GRIA2: variants seen among roughly 807,000 people sequenced by gnomAD.
GRIA2 encodes glutamate receptor 2.
In GRIA2, 14 loss-of-function variants were observed where a neutral mutation model predicts 97.3. The ratio of observed to expected loss-of-function variants is 0.14; its 90% confidence interval spans 0.10 to 0.23. GRIA2 has a LOEUF of 0.23. Among genes scored for constraint, GRIA2 ranks in the 10% least tolerant of loss-of-function variants. GRIA2 has a pLI of 1.00. For synonymous variants in GRIA2, 412 were observed against 387.8 expected (o/e 1.06, Z -0.73); for missense variants, 558 against 1,069.8 (o/e 0.52, Z 6.67).
At chr4:157,268,938 A>T (rs998309833) in intron 2 of GRIA2, among the ~76,000 whole-genome samples, 1 of 152,098 alleles carries the variant, frequency 6.6e-6, no homozygotes, top group Non-Finnish European at 1.5e-5. Flanking sequence ...GTTGGAGAGA[A>T]TTAGAAAAGT....
intron 12 of GRIA2, chr4:157,341,947 C>A: frequency 6.1e-6 from 1 of 163,250 alleles, no homozygotes; most frequent in Non-Finnish European, 1.3e-5. Context: ...CAAGGAAAAG[C>A]CAACAAAGGC....
chr4:157,275,312 G>C (rs1349983660), intron 2 of GRIA2, among the ~76,000 whole-genome samples: 1 of 152,152 alleles, frequency 6.6e-6, no homozygotes, highest in Non-Finnish European at 1.5e-5. Context: ...CTCCCATTCT[G>C]TAGGCTGCCT....
chr4:157,286,491 C>T (rs1357557535), intron 2 of GRIA2, among the ~76,000 whole-genome samples: 2 of 151,282 alleles, frequency 1.3e-5, no homozygotes, highest in Non-Finnish European at 3.0e-5. Flanking sequence ...AAAGTTAGGG[C>T]TTAATAAGAG....
intron 2 of GRIA2, among the ~76,000 whole-genome samples, chr4:157,260,454 C>T (rs1435138124): frequency 1.3e-5 from 2 of 152,052 alleles, no homozygotes; most frequent in Non-Finnish European, 2.9e-5. Context: ...GCACTTTGTC[C>T]CTTTCAGCAT....
Position 157,365,186 on chromosome 4 carries a change from T to TG in GRIA2, c.*1756dup, listed in dbSNP as rs1736830256. The TG allele has an allele frequency of 1.3e-5, 2 of 151,724 alleles. No homozygotes were observed. Among genetic ancestry groups the TG allele is most frequent in the South Asian group, 4.1e-4 (2 of 4,834 alleles). The allele number at this position is 151,724 out of a possible 1,614,324, so 9.4% of individuals were successfully genotyped here. ...AATGTAAGGTTTAACAGTAAGCACT[T>TG]GCATTGAACATGGAGGCATGTGGTA... On this transcript the variant is annotated 3_prime_UTR_variant, in exon 16 of 16. Coordinates refer to ENST00000264426, the MANE Select transcript of GRIA2 (RefSeq NM_001083619.3).
In GRIA2 at chr4:157,311,590, T is replaced by C. The variant is rs185516157; in HGVS notation, c.470-1089T>C. ...AAAGATTTAAATAAAATTTGGTATC[T>C]GAATTTAGATTTTGAAGAGATATGT... On this transcript the variant is annotated intron_variant, in intron 3 of 15. Coordinates refer to ENST00000264426, the MANE Select transcript of GRIA2 (RefSeq NM_001083619.3). Among the ~76,000 whole-genome samples the C allele has an allele frequency of 2.3e-3, 345 of 152,178 alleles. 1 individual carries two copies. The highest frequency in any genetic ancestry group is 3.6e-3 in the Non-Finnish European group (247 of 67,896).
intron 11 of GRIA2, 22 bp downstream of exon 11, chr4:157,336,769 A>G: frequency 6.3e-7 from 1 of 1,596,206 alleles, no homozygotes; most frequent in South Asian, 1.1e-5. Context: ...ACCTGCTTCA[A>G]CTTTGTGCAT....
chr4:157,289,964 C>T (rs1733020284), intron 2 of GRIA2, among the ~76,000 whole-genome samples: 1 of 151,696 alleles, frequency 6.6e-6, no homozygotes, highest in African/African-American at 2.4e-5. Flanking sequence ...AAATTTCAGC[C>T]CTACTGTCAC....
intron 3 of GRIA2, among the ~76,000 whole-genome samples, chr4:157,308,747 G>C (rs28712001): frequency 0.18 from 27,029 of 151,936 alleles, 2,553 homozygotes; most frequent in African/African-American, 0.25. Context: ...ATACTTCTGT[G>C]CTAGTTTGTG....
chr4:157,248,702 A>AGT (rs1328847892), intron 2 of GRIA2, among the ~76,000 whole-genome samples: 2 of 136,768 alleles, frequency 1.5e-5, no homozygotes, highest in Admixed American at 1.5e-4. Flanking sequence ...TATATACACA[A>AGT]GTATATATAT....
At chr4:157,221,634 A>G (rs1729499713) in intron 1 of GRIA2, 33 bp from the exon 2 acceptor site, 3 of 1,610,274 alleles carry the variant, frequency 1.9e-6, no homozygotes, top group Non-Finnish European at 2.5e-6. Context: ...GGGCACTGAC[A>G]CTGTTCTCTT....
rs1425889691 is a variant in GRIA2, at chr4:157,305,157, T to A, written c.469+1366T>A. ...ACTGAGCTTATTAAATAATTTTTAG[T>A]TTTTCCTCTTGTTCTCTGCTAACTT... On this transcript the variant is annotated intron_variant, in intron 3 of 15. Coordinates refer to ENST00000264426, the MANE Select transcript of GRIA2 (RefSeq NM_001083619.3). Among the ~76,000 whole-genome samples the A allele has an allele frequency of 2.0e-5, 3 of 152,144 alleles. No individual in the cohort carries two copies. In the South Asian group the frequency reaches 6.2e-4, roughly 32 times the overall value.
chr4:157,329,818 G>A (rs1734969306), intron 6 of GRIA2, among the ~76,000 whole-genome samples: 1 of 151,894 alleles, frequency 6.6e-6, no homozygotes, highest in Admixed American at 6.6e-5. Context: ...GTGTACCTGG[G>A]ATTGAAAAGG....
chr4:157,349,287 C>G (rs1194337719), intron 12 of GRIA2, among the ~76,000 whole-genome samples: 1 of 152,136 alleles, frequency 6.6e-6, no homozygotes, highest in Admixed American at 6.5e-5. Context: ...TTCCTGGGTA[C>G]TCTTTGAATT....
chr4:157,232,727 T>C (rs1730076495), intron 2 of GRIA2, among the ~76,000 whole-genome samples: 1 of 152,190 alleles, frequency 6.6e-6, no homozygotes, highest in African/African-American at 2.4e-5. Flanking sequence ...AGGGTTGTCA[T>C]CTTAATGATG....
At position 157,227,763 on chromosome 4, in the gene GRIA2, A is replaced by C. The variant is rs1372252990; in HGVS notation, c.229+5956A>C. On this transcript the variant is annotated intron_variant, in intron 2 of 15. Coordinates refer to ENST00000264426, the MANE Select transcript of GRIA2 (RefSeq NM_001083619.3). ...TATTATTATAGCAATTTTAAATAAA[A>C]ATTTCTCAGGTTTTCTCCAAAGATC... is the stretch of plus-strand genomic sequence containing the variant. Among the ~76,000 whole-genome samples, 7 of 152,124 alleles carry C rather than the reference A, an allele frequency of 4.6e-5. 1 individual carries two copies. Among genetic ancestry groups the C allele is most frequent in the Non-Finnish European group, 4.4e-5 (3 of 68,010 alleles).
intron 11 of GRIA2, among the ~76,000 whole-genome samples, chr4:157,340,721 C>T (rs781545768): frequency 6.6e-6 from 1 of 151,852 alleles, no homozygotes; most frequent in Non-Finnish European, 1.5e-5. Context: ...CTCTCCTGTA[C>T]TGTATCTAAT....
At chr4:157,317,801 T>G (rs1003457520) in intron 5 of GRIA2, 90 bp downstream of exon 5, 3 of 610,752 alleles carry the variant, frequency 4.9e-6, no homozygotes, top group South Asian at 3.7e-5. Context: ...ATCAGTGGTG[T>G]TTTAAAAAAT....
At chr4:157,234,365 G>T (rs950119907) in intron 2 of GRIA2, among the ~76,000 whole-genome samples, 1 of 151,962 alleles carries the variant, frequency 6.6e-6, no homozygotes, top group Admixed American at 6.6e-5. Flanking sequence ...AACCATTCAA[G>T]CTGAAAATAG....
Sources: allele counts gnomAD v4.1 joint callset (sites outside exome capture counted in the v4.1 genomes callset), GRCh38; gene constraint gnomAD v4.1.1; transcripts MANE v1.5; gene names NCBI Gene and HGNC (gene_info 2026-07-23, HGNC 2026-07-21).